The following ABLIM1 variants were observed in gnomAD, a reference collection of about 807,000 sequenced individuals.
ABLIM1 encodes actin-binding LIM protein 1.
Under a neutral mutation model 107.0 loss-of-function variants are expected in ABLIM1, and 40 were observed. The observed-to-expected ratio is 0.37, with a 90% CI of 0.29 to 0.49. The LOEUF (loss-of-function observed/expected upper bound fraction) is 0.49. Ranked by LOEUF, ABLIM1 falls within the 20% of genes least tolerant of loss-of-function variation. ABLIM1 has a pLI of 0.97. For missense variants in ABLIM1, 857 were observed against 1,008.5 expected (o/e 0.85, Z 2.04); for synonymous variants, 357 against 357.3 (o/e 1.00, Z 0.01).
chr10:114,689,449 C>G (rs1368782931), upstream of ABLIM1, among the ~76,000 whole-genome samples: 3 of 151,124 alleles, frequency 2.0e-5, no homozygotes, highest in Non-Finnish European at 4.4e-5. Context: ...GCAACCTCCA[C>G]CTCCCGGGTT....
intron 6 of ABLIM1, among the ~76,000 whole-genome samples, chr10:114,511,968 G>A (rs937262104): frequency 2.0e-5 from 3 of 152,240 alleles, no homozygotes; most frequent in Non-Finnish European, 4.4e-5. Context: ...CAGGTGGACA[G>A]ATGCTCTCTC....
rs59709817 is a variant in ABLIM1, at chr10:114,601,049, TACACACACACACACACACACACACAC to T, written c.379+752_379+777del. ...TTGTTGCTTAATTCTCACATCTCAA[TACACACACACACACACACACACACAC>T]ACACACACACACACACACACACACA... On this transcript the variant is annotated intron_variant, in intron 2 of 22. Coordinates refer to ENST00000533213, the MANE Select transcript of ABLIM1 (RefSeq NM_002313.7). Among the ~76,000 whole-genome samples, 24 of 128,532 alleles carry T rather than the reference TACACACACACACACACACACACACAC, an allele frequency of 1.9e-4. 1 individual carries two copies. Among genetic ancestry groups the T allele is most frequent in the Admixed American group, 3.2e-4 (4 of 12,536 alleles). The allele number at this position is 128,532 out of a possible 152,430, so 84.3% of individuals were successfully genotyped here.
At chr10:114,730,928 G>A (rs898023620) in intron 1 of ABLIM1, among the ~76,000 whole-genome samples, 1 of 152,062 alleles carries the variant, frequency 6.6e-6, no homozygotes. Flanking sequence ...GATCTTTGGT[G>A]CTGGTCTCTT....
intron 1 of ABLIM1, among the ~76,000 whole-genome samples, chr10:114,765,615 A>T (rs936928459): frequency 1.3e-5 from 2 of 152,318 alleles, no homozygotes; most frequent in Non-Finnish European, 2.9e-5. Flanking sequence ...GAAATCTTTT[A>T]AAAAATTAAT....
chr10:114,453,328 A>G lies in ABLIM1; in HGVS notation c.1546+51T>C, dbSNP rs2062182235. Reference sequence around the variant, plus strand: ...TGAGACAAGACGAGGTTACAAGGCTACATTCTACACTGTGACAGGACACCA... The same window carrying G: ...TGAGACAAGACGAGGTTACAAGGCTGCATTCTACACTGTGACAGGACACCA... On this transcript the variant is annotated intron_variant, in intron 13 of 22. Coordinates refer to ENST00000533213, the MANE Select transcript of ABLIM1 (RefSeq NM_002313.7). 5.7e-6 allele frequency: 9 copies of G among 1,574,150 alleles called. 1 individual carries two copies. In the Middle Eastern group the frequency reaches 6.7e-4, roughly 117 times the overall value.
chr10:114,716,083 G>A (rs2081654050), intron 1 of ABLIM1, among the ~76,000 whole-genome samples: 1 of 152,090 alleles, frequency 6.6e-6, no homozygotes. Flanking sequence ...CCACAAAATG[G>A]TATTGTGAGA....
chr10:114,704,296 CTCTCTCTATATATA>C (rs1275419853), intron 1 of ABLIM1, among the ~76,000 whole-genome samples: 13 of 28,878 alleles, frequency 4.5e-4, no homozygotes, highest in African/African-American at 1.1e-3. Context: ...CTCTCTCTCT[CTCTCTCTATATATA>C]TATATATATA....
intron 1 of ABLIM1, among the ~76,000 whole-genome samples, chr10:114,638,739 A>G (rs1032033022): frequency 6.6e-6 from 1 of 152,188 alleles, no homozygotes; most frequent in Middle Eastern, 3.4e-3. Context: ...GCCTGATAGC[A>G]ATGATGCTGC....
chr10:114,557,671 GTTTTTTTTTTTTTT>G (rs61108195), intron 4 of ABLIM1, among the ~76,000 whole-genome samples: 1 of 72,484 alleles, frequency 1.4e-5, no homozygotes, highest in Non-Finnish European at 2.4e-5. Context: ...ATAGTGAGGT[GTTTTTTTTTTTTTT>G]TTTTTTTTGG....
intron 1 of ABLIM1, among the ~76,000 whole-genome samples, chr10:114,726,827 G>T (rs551790158): frequency 2.0e-5 from 3 of 152,004 alleles, no homozygotes; most frequent in African/African-American, 7.2e-5. Context: ...TGGCGCTAAA[G>T]CATTCATGAG....
At chr10:114,666,192 G>A (rs1195361840) in intron 1 of ABLIM1, among the ~76,000 whole-genome samples, 2 of 152,132 alleles carry the variant, frequency 1.3e-5, no homozygotes, top group Non-Finnish European at 2.9e-5. Flanking sequence ...CCAAGACAGG[G>A]TATGCAATAC....
intron 2 of ABLIM1, among the ~76,000 whole-genome samples, chr10:114,579,062 C>A (rs556733579): frequency 1.3e-5 from 2 of 152,066 alleles, no homozygotes; most frequent in Non-Finnish European, 2.9e-5. Flanking sequence ...ACTGTTATTA[C>A]AGACGTGAGA....
intron 2 of ABLIM1, 198 bp downstream of exon 2, chr10:114,601,629 C>T (rs189728362): frequency 3.3e-5 from 28 of 841,380 alleles, no homozygotes; most frequent in Middle Eastern, 4.8e-4. Flanking sequence ...CAAAGGCCCA[C>T]GAATCACTGG....
At chr10:114,572,148 T>C (rs2071772206) in intron 3 of ABLIM1, among the ~76,000 whole-genome samples, 1 of 152,244 alleles carries the variant, frequency 6.6e-6, no homozygotes, top group Non-Finnish European at 1.5e-5. Flanking sequence ...AAGTCATTAA[T>C]GAACAGACAT....
At position 114,544,390 on chromosome 10, in the gene ABLIM1, G is replaced by A. The variant is rs191912548; in HGVS notation, c.894+615C>T. On this transcript the variant is annotated intron_variant, in intron 6 of 22. Coordinates refer to ENST00000533213, the MANE Select transcript of ABLIM1 (RefSeq NM_002313.7). ...TTCTGTGTCTCACCCCAGAGGAACT[G>A]GCTCAGCCCAGAGGCAGAAGCCTGT... 2.7e-3 allele frequency among the ~76,000 whole-genome samples: 417 copies of A among 152,308 alleles called. 2 individuals carry two copies. Among genetic ancestry groups the A allele is most frequent in the African/African-American group, 9.3e-3 (386 of 41,556 alleles).
At chr10:114,564,922 T>G (rs902760792) in intron 4 of ABLIM1, among the ~76,000 whole-genome samples, 1 of 152,248 alleles carries the variant, frequency 6.6e-6, no homozygotes, top group African/African-American at 2.4e-5. Context: ...ATGTGCTTCC[T>G]ATGTGTCACC....
rs2072393967 is a variant in ABLIM1 at position 114,575,480 on chromosome 10, C to T, written c.499G>A (p.Gly167Ser). 6.2e-7 allele frequency: 1 copy of T among 1,614,166 alleles called. No individual in the cohort carries two copies. The highest frequency in any genetic ancestry group is 1.3e-5 in the African/African-American group (1 of 75,038). The change falls in exon 3 of 23, where the codon GGC (glycine) becomes AGC (serine). Residue 167 changes from glycine to serine, a missense_variant. By Grantham distance (56) the Gly-to-Ser change is moderately conservative. Coordinates refer to ENST00000533213, the MANE Select transcript of ABLIM1 (RefSeq NM_002313.7). ...RCHGCGEFVEGEVVTALGKTY... is the reference protein window; with the variant it reads ...RCHGCGEFVESEVVTALGKTY... Reference sequence around the variant, plus strand: ...TTGCCCAGAGCAGTCACCACTTCGCCCTCCACGAACTCCCCACAGCCATGG... The same window carrying T: ...TTGCCCAGAGCAGTCACCACTTCGCTCTCCACGAACTCCCCACAGCCATGG...
At chr10:114,573,389 A>C (rs2071989231) in intron 3 of ABLIM1, among the ~76,000 whole-genome samples, 1 of 152,238 alleles carries the variant, frequency 6.6e-6, no homozygotes, top group South Asian at 2.1e-4. Flanking sequence ...ATTCAGACAG[A>C]ATTATCGTCA....
chr10:114,723,718 C>T (rs140937162), intron 1 of ABLIM1, among the ~76,000 whole-genome samples: 31 of 152,348 alleles, frequency 2.0e-4, no homozygotes, highest in Non-Finnish European at 3.5e-4. Context: ...GCTTTGTCTA[C>T]ACAGCACACA....
Sources: gnomAD v4.1 joint callset for allele counts (sites outside exome capture counted in the v4.1 genomes callset) on GRCh38, gnomAD v4.1.1 for gene constraint, MANE v1.5 for transcripts, NCBI Gene and HGNC (gene_info 2026-07-23, HGNC 2026-07-21) for gene names.